The following RPS6KA2 variants were observed in gnomAD, a reference collection of about 807,000 sequenced individuals.
RPS6KA2 encodes the protein ribosomal protein S6 kinase A2.
A neutral mutation model predicts 91.8 loss-of-function variants in RPS6KA2; 42 were observed. The observed-to-expected ratio is 0.46, with a 90% confidence interval of 0.36 to 0.59. The LOEUF is 0.59. Among genes scored for constraint, RPS6KA2 ranks in the 20% least tolerant of loss-of-function variants. The pLI is 0.00. For synonymous variants in RPS6KA2, 414 were observed against 393.6 expected (o/e 1.05, Z -0.61); for missense variants, 798 against 978.5 (o/e 0.82, Z 2.46).
At position 166,490,250 on chromosome 6, in the gene RPS6KA2, T is replaced by G. The variant is rs1194428568; in HGVS notation, c.818+421A>C. 6.6e-6 allele frequency among the ~76,000 whole-genome samples: 1 copy of G among 152,204 alleles called. No individual in the cohort carries two copies. Among genetic ancestry groups the G allele is most frequent in the Non-Finnish European group, 1.5e-5 (1 of 68,028 alleles). On this transcript the variant is annotated intron_variant, in intron 9 of 20. Coordinates refer to ENST00000265678, the MANE Select transcript of RPS6KA2 (RefSeq NM_021135.6). The surrounding 1 kb of genome is among the most constrained non-coding windows in gnomAD (Gnocchi z 4.2). ...GGGAGGGAAAGGAGACCCCTGCTCC[T>G]GTGATCTCTCCGGACAAGGCCCTGG...
chr6:166,499,666 G>C (rs1385616066), intron 7 of RPS6KA2, among the ~76,000 whole-genome samples: 1 of 152,184 alleles, frequency 6.6e-6, no homozygotes, highest in African/African-American at 2.4e-5. Context: ...ATGATTGTGA[G>C]GCCTCCCCAG....
chr6:166,755,711 T>C (rs1042573831), intron 2 of RPS6KA2, among the ~76,000 whole-genome samples: 1 of 152,138 alleles, frequency 6.6e-6, no homozygotes. Flanking sequence ...GGAATATAGG[T>C]AAGTTTACTG....
intron 2 of RPS6KA2, among the ~76,000 whole-genome samples, chr6:166,742,668 T>C (rs990779052): frequency 6.6e-6 from 1 of 152,194 alleles, no homozygotes; most frequent in Non-Finnish European, 1.5e-5. Flanking sequence ...CTTCCTCTTC[T>C]GTGCTTCTCT....
Position 166,514,352 on chromosome 6 carries a change from A to G in RPS6KA2, c.299-3995T>C, listed in dbSNP as rs368688831. On this transcript the variant is annotated intron_variant, in intron 3 of 20. Coordinates refer to ENST00000265678, the MANE Select transcript of RPS6KA2 (RefSeq NM_021135.6). ...AGCAAGGGGCCACCAGAGGGTGACC[A>G]GTCCCACCTCTTGTGTGCTGGGGGA... Among the ~76,000 whole-genome samples the G allele has an allele frequency of 5.3e-5, 8 of 152,314 alleles. No individual in the cohort carries two copies. In the East Asian group the frequency reaches 1.4e-3, roughly 26 times the overall value.
At chr6:166,458,689 C>T (rs1389837434) in intron 12 of RPS6KA2, among the ~76,000 whole-genome samples, 1 of 152,190 alleles carries the variant, frequency 6.6e-6, no homozygotes, top group African/African-American at 2.4e-5. Context: ...AAGAACACAG[C>T]TGTCTGCAAG....
chr6:166,429,916 C>T (rs759161596), intron 16 of RPS6KA2, among the ~76,000 whole-genome samples: 4 of 151,860 alleles, frequency 2.6e-5, no homozygotes, highest in Non-Finnish European at 4.4e-5. Flanking sequence ...ATAGGGCCTC[C>T]ACCGAAGAAC....
intron 10 of RPS6KA2, among the ~76,000 whole-genome samples, chr6:166,487,477 G>A (rs73790238): frequency 0.028 from 4,267 of 150,430 alleles, 228 homozygotes; most frequent in African/African-American, 0.1. Context: ...ATGAAAACAG[G>A]CTGAGTGGAC....
intron 2 of RPS6KA2, among the ~76,000 whole-genome samples, chr6:166,855,449 AG>A (rs1253699032): frequency 1.7e-5 from 1 of 60,292 alleles, no homozygotes; most frequent in African/African-American, 5.3e-5. Context: ...GAAGAAGAAG[AG>A]GAAGAAGAAG....
intron 2 of RPS6KA2, among the ~76,000 whole-genome samples, chr6:166,803,160 C>T (rs1779412641): frequency 6.6e-6 from 1 of 152,168 alleles, no homozygotes; most frequent in Non-Finnish European, 1.5e-5. Flanking sequence ...TGCACTTTGA[C>T]CAAATACCCT....
intron 2 of RPS6KA2, among the ~76,000 whole-genome samples, chr6:166,637,168 C>G (rs184429240): frequency 5.3e-4 from 81 of 152,338 alleles, no homozygotes; most frequent in Non-Finnish European, 1.1e-3. Context: ...CTGGCTTCCA[C>G]TGGGACCATC....
intron 2 of RPS6KA2, among the ~76,000 whole-genome samples, chr6:166,650,968 A>G (rs548267872): frequency 2.0e-5 from 3 of 152,254 alleles, no homozygotes; most frequent in African/African-American, 7.2e-5. Context: ...AGCACCTAAA[A>G]TTATGGCCAT....
intron 10 of RPS6KA2, among the ~76,000 whole-genome samples, chr6:166,474,050 G>T (rs1780870070): frequency 1.3e-5 from 2 of 151,840 alleles, no homozygotes; most frequent in African/African-American, 4.8e-5. Context: ...AGGAGTCAGG[G>T]ATGGGCTAGG....
At chr6:166,442,513 A>G (rs1334442934) in intron 14 of RPS6KA2, among the ~76,000 whole-genome samples, 3 of 152,196 alleles carry the variant, frequency 2.0e-5, no homozygotes, top group Admixed American at 6.5e-5. Flanking sequence ...GACTTCACAC[A>G]TACAGAGCGC....
chr6:166,519,952 G>A (rs1330489540), intron 3 of RPS6KA2, among the ~76,000 whole-genome samples: 1 of 152,114 alleles, frequency 6.6e-6, no homozygotes, highest in Non-Finnish European at 1.5e-5. Flanking sequence ...GTGTGTGAGG[G>A]CGTTTCTGGA....
At chr6:166,689,093 G>A (rs903606407) in intron 2 of RPS6KA2, among the ~76,000 whole-genome samples, 8 of 152,214 alleles carry the variant, frequency 5.3e-5, no homozygotes, top group Admixed American at 3.3e-4. Context: ...CTCCCCACTC[G>A]CCCAGGTGAG....
In RPS6KA2 at chr6:166,504,496, T is replaced by C. The variant is rs1344605115; in HGVS notation, c.566+10A>G. 5 of 1,577,296 alleles carry C rather than the reference T, an allele frequency of 3.2e-6. No individual in the cohort carries two copies. The highest frequency in any genetic ancestry group is 4.3e-6 in the Non-Finnish European group (5 of 1,154,736). On this transcript the variant is annotated intron_variant, in intron 6 of 20. Coordinates refer to ENST00000265678, the MANE Select transcript of RPS6KA2 (RefSeq NM_021135.6). ...CGTGGGGAAGTCAGCCCTAGTTTTTTCTCACTTACTTCTCAGGCTTCAGAT... is the reference window on the plus strand; with the variant it reads ...CGTGGGGAAGTCAGCCCTAGTTTTTCCTCACTTACTTCTCAGGCTTCAGAT...
intron 2 of RPS6KA2, among the ~76,000 whole-genome samples, chr6:166,725,291 C>A (rs1006862605): frequency 6.6e-6 from 1 of 152,194 alleles, no homozygotes; most frequent in Admixed American, 6.5e-5. Flanking sequence ...TTGAAAACAA[C>A]CTTAGCTCTG....
At chr6:166,748,670 AT>A (rs1791131650) in intron 2 of RPS6KA2, among the ~76,000 whole-genome samples, 1 of 54,750 alleles carries the variant, frequency 1.8e-5, no homozygotes, top group East Asian at 8.5e-4. Flanking sequence ...TCAGGCCCCC[AT>A]CTCCTCGGTC....
At chr6:166,862,425 A>C in exon 1 of RPS6KA2, 1 of 1,332,652 alleles carries the variant, frequency 7.5e-7, no homozygotes, top group Non-Finnish European at 9.7e-7. Context: ...CTGCCAAGCC[A>C]GGGCTCTGGG....
Sources: gnomAD v4.1 joint callset for allele counts (sites outside exome capture counted in the v4.1 genomes callset) on GRCh38, gnomAD v4.1.1 for gene constraint, Gnocchi (gnomAD v3.1) non-coding constraint, MANE v1.5 for transcripts, NCBI Gene and HGNC (gene_info 2026-07-23, HGNC 2026-07-21) for gene names.